Variants in SULT1A1 observed in about 807,000 individuals in gnomAD.
The protein encoded by SULT1A1 is sulfotransferase family 1A member 1, also known as sulfotransferase 1A1.
Under a neutral mutation model 36.8 loss-of-function variants are expected in SULT1A1, and 35 were observed. The observed-to-expected ratio is 0.95, with a 90% CI of 0.73 to 1.26. SULT1A1 has a LOEUF of 1.26. Among genes scored for constraint, SULT1A1 ranks in the 50% most tolerant of loss-of-function variants. The pLI is 0.00. For synonymous variants in SULT1A1, 119 were observed against 146.0 expected, an observed-to-expected ratio of 0.82 and a Z score of 1.33; for missense variants, 309 against 383.0, an observed-to-expected ratio of 0.81 and a Z score of 1.61.
At position 28,606,863 on chromosome 16, in the gene SULT1A1, A is replaced by G; in HGVS notation, c.500-8T>C. The G allele has an allele frequency of 6.2e-7, 1 of 1,612,502 alleles. No individual in the cohort carries two copies. The highest frequency in any genetic ancestry group is 8.5e-7 in the Non-Finnish European group (1 of 1,178,690). On this transcript the variant is annotated splice_region_variant and splice_polypyrimidine_tract_variant and intron_variant, in intron 5 of 7. Coordinates refer to ENST00000314752, the MANE Select transcript of SULT1A1 (RefSeq NM_001055.4). ...ACCAGGATCCGTAGGACACTGGAGA[A>G]GCAGGCAAGGGGTGCCAACACAGGG... is the stretch of plus-strand genomic sequence containing the variant.
intron 1 of SULT1A1, chr16:28,623,107 C>CCGGG: frequency 9.9e-6 from 15 of 1,509,560 alleles, no homozygotes; most frequent in African/African-American, 5.8e-5. Context: ...TCCCACCCCC[C>CCGGG]AGGTTCCCCC....
At chr16:28,618,945 A>G (rs2047598971) in intron 2 of SULT1A1, among the ~76,000 whole-genome samples, 1 of 152,234 alleles carries the variant, frequency 6.6e-6, no homozygotes, top group Non-Finnish European at 1.5e-5. Context: ...AATTCTGATC[A>G]TTAATAAGAG....
chr16:28,609,999 G>C lies in SULT1A1; in HGVS notation c.-73C>G. ...TGGCTGATTGTGGGTGTTGTGTGGGGAATGCAGGGTTGTTCTCTGAGCTGA... is the reference window on the plus strand; with the variant it reads ...TGGCTGATTGTGGGTGTTGTGTGGGCAATGCAGGGTTGTTCTCTGAGCTGA... On this transcript the variant is annotated 5_prime_UTR_variant, in exon 1 of 8. Coordinates refer to ENST00000314752, the MANE Select transcript of SULT1A1 (RefSeq NM_001055.4). 7.8e-7 allele frequency: 1 copy of C among 1,287,140 alleles called. No individual in the cohort carries two copies. Among genetic ancestry groups the C allele is most frequent in the Non-Finnish European group, 1.0e-6 (1 of 987,178 alleles). The allele number at this position is 1,287,140 out of a possible 1,614,324, so 79.7% of individuals were successfully genotyped here. A position where few individuals can be genotyped will look rare whatever the true frequency, so the allele number is the denominator to read the frequency against.
intron 2 of SULT1A1, among the ~76,000 whole-genome samples, chr16:28,616,168 C>G (rs2047543113): frequency 6.6e-6 from 1 of 152,184 alleles, no homozygotes; most frequent in Admixed American, 6.5e-5. Flanking sequence ...CAGCTCCTAT[C>G]TGTGTATGGC....
At chr16:28,620,884 G>A (rs768372810) in intron 1 of SULT1A1, among the ~76,000 whole-genome samples, 1 of 152,078 alleles carries the variant, frequency 6.6e-6, no homozygotes, top group Non-Finnish European at 1.5e-5. Flanking sequence ...GTTGAGGCGA[G>A]CGGATCACCT....
chr16:28,609,327 A>C, intron 1 of SULT1A1: 1 of 1,285,072 alleles, frequency 7.8e-7, no homozygotes, highest in Non-Finnish European at 1.0e-6. Context: ...CACATGTGGA[A>C]ACCGCCCAGG....
chr16:28,617,324 G>T (rs1183486773), intron 2 of SULT1A1, among the ~76,000 whole-genome samples: 1 of 152,062 alleles, frequency 6.6e-6, no homozygotes, highest in Non-Finnish European at 1.5e-5. Flanking sequence ...GCCCCAGCAA[G>T]ACTTCCTTGA....
At chr16:28,620,177 G>C in intron 1 of SULT1A1, 8 of 1,575,680 alleles carry the variant, frequency 5.1e-6, no homozygotes, top group Non-Finnish European at 6.1e-6. Flanking sequence ...ATTCAGTAGA[G>C]TACTGTATAA....
In SULT1A1 at chr16:28,608,747, G is replaced by T. The variant is rs148045936; in HGVS notation, c.109C>A (p.Arg37=). Residue 37 remains arginine (R), a synonymous_variant, in exon 2 of 8, where the codon CGG becomes AGG. Transcript: ENST00000314752. ...ALGPLQSFQA[R]PDDLLISTYP... ...GTGCTGATGAGCAGGTCATCAGGCC[G>T]GGCCTGGAAGCTCTGCAGGGGCCCC... The T allele has an allele frequency of 1.4e-5, 22 of 1,612,760 alleles. No homozygotes were observed. Among genetic ancestry groups the T allele is most frequent in the Non-Finnish European group, 1.6e-5 (19 of 1,179,410 alleles).
intron 1 of SULT1A1, chr16:28,620,205 T>C: frequency 6.8e-7 from 1 of 1,461,580 alleles, no homozygotes; most frequent in Non-Finnish European, 9.5e-7. Context: ...TGTTTAAGTT[T>C]ACCATTCCAA....
intron 2 of SULT1A1, among the ~76,000 whole-genome samples, chr16:28,618,339 CTTTTT>C (rs546277570): frequency 2.8e-5 from 2 of 72,398 alleles, no homozygotes; most frequent in Non-Finnish European, 4.8e-5. Flanking sequence ...ACTTCCCGCT[CTTTTT>C]TTTTTTTTTT....
intron 1 of SULT1A1, chr16:28,620,189 A>G: frequency 6.5e-7 from 1 of 1,536,660 alleles, no homozygotes; most frequent in East Asian, 2.3e-5. Context: ...ACTGTATAAC[A>G]GTTCATGTTT....
At chr16:28,610,061 C>A, upstream of SULT1A1, 1 of 1,182,672 alleles carries the variant, frequency 8.5e-7, no homozygotes, top group Non-Finnish European at 1.1e-6. Context: ...GATCTGGAGC[C>A]GGGGCTGGAC....
intron 1 of SULT1A1, chr16:28,623,019 C>T (rs1490610757): frequency 2.1e-5 from 29 of 1,397,656 alleles, no homozygotes; most frequent in Non-Finnish European, 2.7e-5. Flanking sequence ...GGCTCCTGCC[C>T]GGGTCCCCAG....
chr16:28,616,102 A>G (rs2047541490), intron 2 of SULT1A1, among the ~76,000 whole-genome samples: 2 of 152,256 alleles, frequency 1.3e-5, no homozygotes, highest in East Asian at 1.9e-4. Flanking sequence ...GGCCCTGTCC[A>G]GGCATAACAG....
chr16:28,621,712 C>T (rs558595742), intron 1 of SULT1A1, among the ~76,000 whole-genome samples: 76 of 152,084 alleles, frequency 5.0e-4, no homozygotes, highest in African/African-American at 7.5e-4. Flanking sequence ...CCTAGCTCCC[C>T]GGCTGTCTGT....
intron 2 of SULT1A1, among the ~76,000 whole-genome samples, chr16:28,617,329 C>T (rs2047565325): frequency 6.6e-6 from 1 of 152,132 alleles, no homozygotes; most frequent in Admixed American, 6.6e-5. Flanking sequence ...AGCAAGACTT[C>T]CTTGATCCCC....
intron 1 of SULT1A1, among the ~76,000 whole-genome samples, chr16:28,622,251 G>A (rs1299171893): frequency 6.6e-6 from 1 of 151,998 alleles, no homozygotes; most frequent in Non-Finnish European, 1.5e-5. Flanking sequence ...CTTGTGCCAA[G>A]TAAAACTCCC....
intron 1 of SULT1A1, among the ~76,000 whole-genome samples, chr16:28,621,171 C>T (rs371675105): frequency 1.3e-5 from 2 of 151,000 alleles, no homozygotes; most frequent in African/African-American, 4.9e-5. Flanking sequence ...GTTGTTTCCT[C>T]ATTTGTAACA....
Sources: gnomAD v4.1 joint callset for allele counts (sites outside exome capture counted in the v4.1 genomes callset) on GRCh38, gnomAD v4.1.1 for gene constraint, MANE v1.5 for transcripts, NCBI Gene and HGNC (gene_info 2026-07-23, HGNC 2026-07-21) for gene names.